Variants in EPHX4 observed in about 807,000 individuals in gnomAD.
EPHX4 encodes abhydrolase domain containing 7.
EPHX4 carries 31 observed loss-of-function variants against 44.9 expected under a neutral mutation model. The observed-to-expected ratio is 0.69, with a 90% CI of 0.52 to 0.93. EPHX4 has a LOEUF of 0.93. Ranked by LOEUF, EPHX4 falls within the 40% of genes least tolerant of loss-of-function variation. The probability of loss-of-function intolerance (pLI) is 0.00; values close to 1 mark genes in which losing one functional copy is unlikely to be tolerated. For missense variants in EPHX4, 373 were observed against 438.1 expected (o/e 0.85, Z 1.33); for synonymous variants, 151 against 159.7 (o/e 0.95, Z 0.41).
rs774865111 is a variant in EPHX4 at position 92,040,237 on chromosome 1, G to A, written c.318-2586G>A. ...GTCACTCAGGCTGGAGTGCAGTGGC[G>A]CGATCACAGCTCACTGTAAACTCTG... On this transcript the variant is annotated intron_variant, in intron 2 of 6. Coordinates refer to ENST00000370383, the MANE Select transcript of EPHX4 (RefSeq NM_173567.5). Among the ~76,000 whole-genome samples, 64 of 145,848 alleles carry A rather than the reference G, an allele frequency of 4.4e-4. 1 individual carries two copies. Among genetic ancestry groups the A allele is most frequent in the Non-Finnish European group, 4.5e-4 (30 of 67,114 alleles).
chr1:92,033,088 T>TA (rs1688385285), intron 2 of EPHX4, among the ~76,000 whole-genome samples: 1 of 151,784 alleles, frequency 6.6e-6, no homozygotes, highest in Non-Finnish European at 1.5e-5. Context: ...TAGCTTTTTT[T>TA]TTTTTTTTTG....
At chr1:92,044,586 G>A (rs1055922351) in intron 3 of EPHX4, among the ~76,000 whole-genome samples, 1 of 152,112 alleles carries the variant, frequency 6.6e-6, no homozygotes, top group Non-Finnish European at 1.5e-5. Context: ...TAAATTAACC[G>A]AGTGATTACA....
In EPHX4 at chr1:92,030,233, C is replaced by A; in HGVS notation, c.154C>A (p.Arg52=). 15 of 1,603,804 alleles carry A rather than the reference C, an allele frequency of 9.4e-6. No homozygotes were observed. Among genetic ancestry groups the A allele is most frequent in the Non-Finnish European group, 1.3e-5 (15 of 1,175,410 alleles). Residue 52 remains arginine (R), a synonymous_variant, in exon 1 of 7, where the codon CGG becomes AGG. Coordinates refer to ENST00000370383, the MANE Select transcript of EPHX4 (RefSeq NM_173567.5). ...CGGCAAGGGGCCGGCGCAGACCTTC[C>A]GGCGGCCCGCCCGGGAGCACCCTCC... is the stretch of plus-strand genomic sequence containing the variant. ...SLGKGPAQTF[R]RPAREHPPAC... is the part of the protein sequence containing the mutation.
At chr1:92,053,363 G>A (rs1195015366) in intron 6 of EPHX4, among the ~76,000 whole-genome samples, 1 of 152,136 alleles carries the variant, frequency 6.6e-6, no homozygotes, top group Non-Finnish European at 1.5e-5. Flanking sequence ...GGTAAGAAGA[G>A]CATTATGAGG....
intron 3 of EPHX4, among the ~76,000 whole-genome samples, chr1:92,044,433 A>G (rs967468345): frequency 3.3e-5 from 5 of 152,244 alleles, no homozygotes; most frequent in Non-Finnish European, 7.3e-5. Context: ...TTAGTATAGT[A>G]GTGAGGAGTG....
At chr1:92,042,737 AAAAAAAG>A in intron 2 of EPHX4, 79 bp from the exon 3 acceptor site, 2 of 1,300,666 alleles carry the variant, frequency 1.5e-6, no homozygotes, top group East Asian at 4.9e-5. Flanking sequence ...AAAAAAAAAA[AAAAAAAG>A]AAAGGAAAAA....
chr1:92,052,536 C>T lies in EPHX4; in HGVS notation c.735C>T (p.His245=). 4 of 1,608,204 alleles carry T rather than the reference C, an allele frequency of 2.5e-6. No individual in the cohort carries two copies. Among genetic ancestry groups the T allele is most frequent in the Non-Finnish European group, 3.4e-6 (4 of 1,178,182 alleles). ...FKVLKHLFTS[H]STGIGRKGCQ... ...TTTTGAAACATCTGTTTACCAGTCA[C>T]AGCACTGGCATTGGAAGAAAAGGAT... The change falls in exon 6 of 7, where the codon CAC becomes CAT. Residue 245 remains histidine (H), a synonymous_variant. Coordinates refer to ENST00000370383, the MANE Select transcript of EPHX4 (RefSeq NM_173567.5).
chr1:92,036,437 A>T (rs1688437793), intron 2 of EPHX4, among the ~76,000 whole-genome samples: 1 of 152,172 alleles, frequency 6.6e-6, no homozygotes, highest in Non-Finnish European at 1.5e-5. Context: ...ACAGCCTAGG[A>T]GGGGGTCCAG....
chr1:92,035,060 T>C (rs1314670773), intron 2 of EPHX4, among the ~76,000 whole-genome samples: 5 of 152,234 alleles, frequency 3.3e-5, no homozygotes, highest in African/African-American at 1.2e-4. Flanking sequence ...CAAAGACACC[T>C]ATACCTAATA....
At chr1:92,033,899 C>T (rs1232341092) in intron 2 of EPHX4, among the ~76,000 whole-genome samples, 1 of 149,796 alleles carries the variant, frequency 6.7e-6, no homozygotes, top group African/African-American at 2.5e-5. Flanking sequence ...TTTGGGAGAA[C>T]ATATTCAGAC....
Position 92,030,195 on chromosome 1 carries a change from T to C in EPHX4, c.116T>C (p.Leu39Pro). 6.2e-7 allele frequency: 1 copy of C among 1,610,698 alleles called. No individual in the cohort carries two copies. Among genetic ancestry groups the C allele is most frequent in the Non-Finnish European group, 8.5e-7 (1 of 1,178,544 alleles). Residue 39 changes from leucine to proline, a missense_variant, in exon 1 of 7, where the codon CTT (leucine) becomes CCT (proline). By Grantham distance (98) the Leu-to-Pro change is moderately conservative. Coordinates refer to ENST00000370383, the MANE Select transcript of EPHX4 (RefSeq NM_173567.5). ...GLCASIHLLK[L>P]LWSLGKGPAQ... ...TGCGCCTCCATCCACCTGCTCAAACTTTTGTGGAGCCTCGGCAAGGGGCCG... is the reference window on the plus strand; with the variant it reads ...TGCGCCTCCATCCACCTGCTCAAACCTTTGTGGAGCCTCGGCAAGGGGCCG...
Position 92,034,080 on chromosome 1 carries a change from C to T in EPHX4, c.317+1490C>T, listed in dbSNP as rs1156447018. Reference sequence around the variant, plus strand: ...GGCCGAGGCGGGTGGATCACGAGGTCGGGAGATTGAAACCATCCTGGCTAA... The same window carrying T: ...GGCCGAGGCGGGTGGATCACGAGGTTGGGAGATTGAAACCATCCTGGCTAA... On this transcript the variant is annotated intron_variant, in intron 2 of 6. Coordinates refer to ENST00000370383, the MANE Select transcript of EPHX4 (RefSeq NM_173567.5). 2.0e-4 allele frequency among the ~76,000 whole-genome samples: 24 copies of T among 122,068 alleles called. 1 individual carries two copies. The highest frequency in any genetic ancestry group is 3.6e-4 in the Non-Finnish European group (22 of 61,774). 80.1% of individuals were successfully genotyped at this position (122,068 alleles called of 152,430 possible).
rs1483402824 is a variant in EPHX4, at chr1:92,063,352, C to T, written c.*66C>T. ...TAAATAATTTTTAAAAATTGTTCAT[C>T]AACTTCTTTATGTTTTATTAGAAAA... On this transcript the variant is annotated 3_prime_UTR_variant, in exon 7 of 7. Coordinates refer to ENST00000370383, the MANE Select transcript of EPHX4 (RefSeq NM_173567.5). 8.3e-7 allele frequency: 1 copy of T among 1,199,044 alleles called. No homozygotes were observed. The highest frequency in any genetic ancestry group is 1.1e-6 in the Non-Finnish European group (1 of 888,250). 74.3% of individuals were successfully genotyped at this position (1,199,044 alleles called of 1,614,324 possible).
intron 2 of EPHX4, among the ~76,000 whole-genome samples, chr1:92,038,185 A>G (rs557302806): frequency 6.6e-6 from 1 of 152,346 alleles, no homozygotes; most frequent in East Asian, 1.9e-4. Flanking sequence ...TGGAAGCATC[A>G]TGTTTGCATA....
chr1:92,030,074 C>T lies in EPHX4; in HGVS notation c.-6C>T, dbSNP rs756821663. ...GAAGGGCAGTGGGCCCCGCCGCCGC[C>T]TCCCAATGGCGAGGCTGCGGGATTG... On this transcript the variant is annotated 5_prime_UTR_variant, in exon 1 of 7. Coordinates refer to ENST00000370383, the MANE Select transcript of EPHX4 (RefSeq NM_173567.5). 2.5e-6 allele frequency: 4 copies of T among 1,582,824 alleles called. No individual in the cohort carries two copies. The East Asian group carries it at 9.6e-5, about 38-fold the overall frequency.
chr1:92,031,410 A>G (rs1227244531), intron 1 of EPHX4, among the ~76,000 whole-genome samples: 1 of 152,202 alleles, frequency 6.6e-6, no homozygotes, highest in African/African-American at 2.4e-5. Flanking sequence ...GGGTAAAAGT[A>G]GTATAAGAAC....
chr1:92,042,062 C>CA (rs1172822832), intron 2 of EPHX4, among the ~76,000 whole-genome samples: 2 of 151,418 alleles, frequency 1.3e-5, no homozygotes, highest in Non-Finnish European at 2.9e-5. Flanking sequence ...AACAAACAAA[C>CA]AAAAAATTGA....
chr1:92,044,741 T>C (rs1365976757), intron 3 of EPHX4, among the ~76,000 whole-genome samples: 1 of 152,158 alleles, frequency 6.6e-6, no homozygotes, highest in Non-Finnish European at 1.5e-5. Flanking sequence ...AGATGCTTCC[T>C]GGAAATAAAG....
At chr1:92,048,573 A>AACAATGG (rs1209914521) in intron 4 of EPHX4, among the ~76,000 whole-genome samples, 1 of 152,212 alleles carries the variant, frequency 6.6e-6, no homozygotes, top group African/African-American at 2.4e-5. Flanking sequence ...ACTATAGTAT[A>AACAATGG]ACAATGGTAT....
Sources: allele counts gnomAD v4.1 joint callset (sites outside exome capture counted in the v4.1 genomes callset), GRCh38; gene constraint gnomAD v4.1.1; transcripts MANE v1.5; gene names NCBI Gene and HGNC (gene_info 2026-07-23, HGNC 2026-07-21).